PKHD1: variants seen among roughly 807,000 people sequenced by gnomAD.
PKHD1 encodes fibrocystin.
PKHD1 carries 291 observed loss-of-function variants against 412.0 expected under a neutral mutation model. That is an observed-to-expected ratio of 0.71 (90% CI 0.64 to 0.78). PKHD1 has a LOEUF of 0.78. PKHD1 is among the 30% of genes least tolerant of loss of function. PKHD1 has a pLI of 0.00. For missense variants in PKHD1, 4,825 were observed against 4,950.7 expected (o/e 0.97, Z 0.76); for synonymous variants, 1,777 against 1,821.5 (o/e 0.98, Z 0.62).
At chr6:51,628,847 G>C (rs1411948040) in intron 65 of PKHD1, among the ~76,000 whole-genome samples, 1 of 152,088 alleles carries the variant, frequency 6.6e-6, no homozygotes, top group African/African-American at 2.4e-5. Flanking sequence ...AAACAGAATG[G>C]CACTGGCAAA....
At chr6:51,954,236 A>C (rs1021399360) in intron 36 of PKHD1, among the ~76,000 whole-genome samples, 1 of 152,118 alleles carries the variant, frequency 6.6e-6, no homozygotes, top group Non-Finnish European at 1.5e-5. Context: ...CATACGAGAC[A>C]GGCAATACAT....
chr6:51,796,766 T>A (rs1012229062), intron 52 of PKHD1, among the ~76,000 whole-genome samples: 5 of 152,114 alleles, frequency 3.3e-5, no homozygotes, highest in African/African-American at 1.2e-4. Context: ...TCAAGAGTCA[T>A]TCAGGAGGAG....
Position 51,655,930 on chromosome 6 carries a change from C to A in PKHD1, c.11174+3022G>T, listed in dbSNP as rs549772602. 4.6e-5 allele frequency among the ~76,000 whole-genome samples: 7 copies of A among 152,148 alleles called. No individual in the cohort carries two copies. The South Asian group carries it at 1.2e-3, about 27-fold the overall frequency. On this transcript the variant is annotated intron_variant, in intron 61 of 66. Transcript: ENST00000371117. Reference sequence around the variant, plus strand: ...TCAACCATTGTGGAAGAGAGTGTGGCGATTCCTCAAGGATCTAGAACAAGA... The same window carrying A: ...TCAACCATTGTGGAAGAGAGTGTGGAGATTCCTCAAGGATCTAGAACAAGA...
chr6:51,831,555 T>C (rs2151515884), intron 51 of PKHD1, among the ~76,000 whole-genome samples: 1 of 152,298 alleles, frequency 6.6e-6, no homozygotes, highest in Non-Finnish European at 1.5e-5. Flanking sequence ...CTATTCTCTG[T>C]TAAATTGTAA....
chr6:51,626,992 C>A lies in PKHD1; in HGVS notation c.11785+5G>T, dbSNP rs1219616008. The A allele has an allele frequency of 6.2e-7, 1 of 1,613,132 alleles. No individual in the cohort carries two copies. The highest frequency in any genetic ancestry group is 1.3e-5 in the African/African-American group (1 of 74,864). On this transcript the variant is annotated splice_donor_5th_base_variant and intron_variant, in intron 66 of 66. Coordinates refer to ENST00000371117, the MANE Select transcript of PKHD1 (RefSeq NM_138694.4). ...GTGGGGATCATCTCCACCCTCCAAG[C>A]TTACCTTCTCCCACCACAGTGTCTT...
chr6:51,810,821 TG>T (rs2151391210), intron 52 of PKHD1, among the ~76,000 whole-genome samples: 2 of 152,314 alleles, frequency 1.3e-5, no homozygotes, highest in East Asian at 3.9e-4. Flanking sequence ...TCTTTATATA[TG>T]GAATATCGTG....
intron 36 of PKHD1, among the ~76,000 whole-genome samples, chr6:51,950,891 T>G (rs1790270864): frequency 6.6e-6 from 1 of 152,170 alleles, no homozygotes; most frequent in South Asian, 2.1e-4. Flanking sequence ...TGAAGTTGAA[T>G]TGCTCCTCCG....
chr6:51,896,114 C>G (rs1254451646), intron 43 of PKHD1, among the ~76,000 whole-genome samples: 4 of 152,208 alleles, frequency 2.6e-5, no homozygotes, highest in Non-Finnish European at 5.9e-5. Context: ...ATTGCCCAGG[C>G]TCGCTTAGGT....
rs143136481 is a variant in PKHD1, at chr6:51,673,941, A to G, written c.10157-13972T>C. Among the ~76,000 whole-genome samples, 111 of 152,322 alleles carry G rather than the reference A, an allele frequency of 7.3e-4. 1 individual carries two copies. The East Asian group carries it at 0.02, about 28-fold the overall frequency. ...TCACAGCACCAGGAACAACTTTTGG[A>G]GGAACGGAGTAAAAGGTTGGGTGAG... On this transcript the variant is annotated intron_variant, in intron 60 of 66. Coordinates refer to ENST00000371117, the MANE Select transcript of PKHD1 (RefSeq NM_138694.4).
chr6:51,786,500 T>A (rs189892136), intron 53 of PKHD1, among the ~76,000 whole-genome samples: 1 of 152,192 alleles, frequency 6.6e-6, no homozygotes, highest in Non-Finnish European at 1.5e-5. Context: ...ACTGCCTTCA[T>A]AGGAAAATCC....
At chr6:51,978,478 C>T (rs6922014) in intron 35 of PKHD1, among the ~76,000 whole-genome samples, 65 of 152,256 alleles carry the variant, frequency 4.3e-4, no homozygotes, top group Non-Finnish European at 8.1e-4. Context: ...CCCAATGTCA[C>T]TAGGCTTTCA....
At position 52,007,176 on chromosome 6, in the gene PKHD1, T is replaced by C. The variant is rs143644299; in HGVS notation, c.5751+3133A>G. 3.3e-3 allele frequency among the ~76,000 whole-genome samples: 503 copies of C among 152,372 alleles called. 1 individual carries two copies. Among genetic ancestry groups the C allele is most frequent in the African/African-American group, 0.011 (458 of 41,584 alleles). On this transcript the variant is annotated intron_variant, in intron 35 of 66. Transcript: ENST00000371117. ...TGCGTGTGCAAGTATCTTTTTTGTA[T>C]AATAACTTCTTTTTCTCTGGCTAGA...
At chr6:51,811,026 C>T (rs1764604955) in intron 52 of PKHD1, among the ~76,000 whole-genome samples, 1 of 152,146 alleles carries the variant, frequency 6.6e-6, no homozygotes, top group Non-Finnish European at 1.5e-5. Flanking sequence ...GACTTCTCCT[C>T]AATATCAATG....
At chr6:51,894,674 C>G (rs1312975857) in intron 43 of PKHD1, among the ~76,000 whole-genome samples, 2 of 152,204 alleles carry the variant, frequency 1.3e-5, no homozygotes, top group South Asian at 2.1e-4. Flanking sequence ...TCAGAGATTT[C>G]AAGGTCAGAC....
chr6:51,872,973 A>C (rs979439800), intron 46 of PKHD1, among the ~76,000 whole-genome samples: 1 of 151,564 alleles, frequency 6.6e-6, no homozygotes, highest in Admixed American at 6.6e-5. Context: ...TACGAATCAG[A>C]AACAAGAGTT....
chr6:51,887,806 G>A (rs1778457644), intron 43 of PKHD1, among the ~76,000 whole-genome samples: 1 of 152,124 alleles, frequency 6.6e-6, no homozygotes, highest in Non-Finnish European at 1.5e-5. Context: ...AAGTTACCCA[G>A]CCTCAGGTAT....
At chr6:51,649,644 C>T (rs1050733587) in intron 61 of PKHD1, among the ~76,000 whole-genome samples, 1 of 152,004 alleles carries the variant, frequency 6.6e-6, no homozygotes, top group Non-Finnish European at 1.5e-5. Context: ...GGATGTGTTC[C>T]AATTCTGTGA....
chr6:51,798,773 T>C (rs1794976206), intron 52 of PKHD1, among the ~76,000 whole-genome samples: 1 of 152,162 alleles, frequency 6.6e-6, no homozygotes, highest in African/African-American at 2.4e-5. Context: ...ACAAATTGGT[T>C]TATATCTGTT....
chr6:51,685,301 T>C (rs1321052134), intron 60 of PKHD1, among the ~76,000 whole-genome samples: 1 of 152,122 alleles, frequency 6.6e-6, no homozygotes, highest in Non-Finnish European at 1.5e-5. Flanking sequence ...AATGTTATTA[T>C]TGGTCATAAA....
Sources: gnomAD v4.1 joint callset for allele counts (sites outside exome capture counted in the v4.1 genomes callset) on GRCh38, gnomAD v4.1.1 for gene constraint, MANE v1.5 for transcripts, NCBI Gene and HGNC (gene_info 2026-07-23, HGNC 2026-07-21) for gene names.